The following GLUD1 variants were observed in gnomAD, a reference collection of about 807,000 sequenced individuals.
GLUD1 encodes glutamate dehydrogenase 1.
A neutral mutation model predicts 56.0 loss-of-function variants in GLUD1; 22 were observed. That is an observed-to-expected ratio of 0.39 (90% CI 0.28 to 0.56). The LOEUF (loss-of-function observed/expected upper bound fraction) is 0.56, where lower values mean the gene tolerates loss of function less well. GLUD1 is among the 20% of genes least tolerant of loss of function. The pLI is 0.58. For synonymous variants in GLUD1, 223 were observed against 269.9 expected (o/e 0.83, Z 1.70); for missense variants, 451 against 732.0 (o/e 0.62, Z 4.43).
rs535231861 is a variant in GLUD1 at position 87,069,187 on chromosome 10, C to T, written c.647-1030G>A. On this transcript the variant is annotated intron_variant, in intron 4 of 12. Coordinates refer to ENST00000277865, the MANE Select transcript of GLUD1 (RefSeq NM_005271.5). ...TTATTTCAACTGTAAAATACAAACT[C>T]GTTTTTACAAAACGAAAAACGCAAC... Among the ~76,000 whole-genome samples, 12 of 151,848 alleles carry T rather than the reference C, an allele frequency of 7.9e-5. No homozygotes were observed. In the South Asian group the frequency reaches 2.3e-3, roughly 29 times the overall value.
intron 6 of GLUD1, among the ~76,000 whole-genome samples, chr10:87,061,705 C>T (rs1412514182): frequency 6.6e-6 from 1 of 151,986 alleles, no homozygotes; most frequent in African/African-American, 2.4e-5. Flanking sequence ...CAGCCTCTGC[C>T]TCCCGGGTTC....
At position 87,051,511 on chromosome 10, in the gene GLUD1, C is replaced by CA; in HGVS notation, c.*239dup. 1 of 571,294 alleles carries CA rather than the reference C, an allele frequency of 1.8e-6. No individual in the cohort carries two copies. 35.4% of individuals were successfully genotyped at this position (571,294 alleles called of 1,614,324 possible). On this transcript the variant is annotated 3_prime_UTR_variant, in exon 13 of 13. Coordinates refer to ENST00000277865, the MANE Select transcript of GLUD1 (RefSeq NM_005271.5). ...ATAAAGGAGGCTTTTTATTTAAAGG[C>CA]AAAATACCAAAATGGCTCTCTGGTG... is the stretch of plus-strand genomic sequence containing the variant.
chr10:87,069,646 T>A (rs1331136365), intron 4 of GLUD1, among the ~76,000 whole-genome samples: 1 of 152,180 alleles, frequency 6.6e-6, no homozygotes, highest in Middle Eastern at 3.2e-3. Flanking sequence ...TATATTGTAA[T>A]GTTTTTCTAT....
At chr10:87,066,166 G>C (rs1207266631) in intron 5 of GLUD1, among the ~76,000 whole-genome samples, 1 of 152,064 alleles carries the variant, frequency 6.6e-6, no homozygotes, top group African/African-American at 2.4e-5. Flanking sequence ...TTTTTCTCTG[G>C]GTAACAGCCA....
chr10:87,076,543 TC>T (rs1846401384), intron 2 of GLUD1, 32 bp downstream of exon 2: 1 of 1,226,566 alleles, frequency 8.2e-7, no homozygotes, highest in Admixed American at 1.7e-5. Flanking sequence ...TCCCCAGAGT[TC>T]TCATTAGGCA....
chr10:87,054,815 G>A (rs1845723468), intron 11 of GLUD1, among the ~76,000 whole-genome samples: 1 of 152,220 alleles, frequency 6.6e-6, no homozygotes, highest in East Asian at 1.9e-4. Flanking sequence ...TGCTAGAGCA[G>A]TGTATCTGAG....
chr10:87,073,111 C>CT (rs1459856339), intron 4 of GLUD1, among the ~76,000 whole-genome samples: 5 of 152,030 alleles, frequency 3.3e-5, no homozygotes, highest in Admixed American at 6.6e-5. Context: ...TATTTCATGA[C>CT]TTTTTTTTCC....
chr10:87,055,729 C>A (rs1031654823), intron 11 of GLUD1, among the ~76,000 whole-genome samples: 7 of 152,154 alleles, frequency 4.6e-5, no homozygotes, highest in African/African-American at 1.7e-4. Flanking sequence ...ATGGGTAAAG[C>A]ATTTTTTCTT....
At chr10:87,064,416 A>G (rs1179560787) in intron 5 of GLUD1, among the ~76,000 whole-genome samples, 2 of 152,234 alleles carry the variant, frequency 1.3e-5, no homozygotes, top group Non-Finnish European at 2.9e-5. Context: ...ATAGGCAATC[A>G]ATATAAAATG....
Position 87,094,196 on chromosome 10 carries a change from CG to C in GLUD1, c.445+128del. 7.2e-7 allele frequency: 1 copy of C among 1,390,086 alleles called. No homozygotes were observed. The allele number at this position is 1,390,086 out of a possible 1,614,324, so 86.1% of individuals were successfully genotyped here. On this transcript the variant is annotated intron_variant, in intron 1 of 12. Coordinates refer to ENST00000277865, the MANE Select transcript of GLUD1 (RefSeq NM_005271.5). This position sits in a 1 kb window ranked among gnomAD's most constrained non-coding sequence, Gnocchi z 6.6. ...CGGCCACATCCGAGGCGGGGTGACC[CG>C]GGCGGGGACCCGGCCCGCTCCAGCT...
intron 5 of GLUD1, among the ~76,000 whole-genome samples, chr10:87,064,202 C>T (rs903311857): frequency 2.0e-5 from 3 of 152,052 alleles, no homozygotes; most frequent in Non-Finnish European, 2.9e-5. Context: ...CGTGAGCCAC[C>T]GCGCCTGGCC....
At chr10:87,079,396 T>G (rs1841143334) in intron 1 of GLUD1, among the ~76,000 whole-genome samples, 1 of 149,636 alleles carries the variant, frequency 6.7e-6, no homozygotes, top group Admixed American at 6.6e-5. Flanking sequence ...TACGCTCAGG[T>G]CACTGCACTA....
At position 87,094,053 on chromosome 10, in the gene GLUD1, G is replaced by A; in HGVS notation, c.445+272C>T. The A allele has an allele frequency of 2.0e-6, 3 of 1,507,500 alleles. No individual in the cohort carries two copies. The highest frequency in any genetic ancestry group is 2.7e-6 in the Non-Finnish European group (3 of 1,129,028). 93.4% of individuals were successfully genotyped at this position (1,507,500 alleles called of 1,614,324 possible). On this transcript the variant is annotated intron_variant, in intron 1 of 12. Transcript: ENST00000277865. This position sits in a 1 kb window ranked among gnomAD's most constrained non-coding sequence, Gnocchi z 6.6. Reference sequence around the variant, plus strand: ...ACACCGGGACCAAAAGGAGACCGGTGCAGCGTCTACTCTGCATGCAAGATC... The same window carrying A: ...ACACCGGGACCAAAAGGAGACCGGTACAGCGTCTACTCTGCATGCAAGATC...
At chr10:87,058,380 T>C (rs1241384435) in intron 10 of GLUD1, among the ~76,000 whole-genome samples, 2 of 152,142 alleles carry the variant, frequency 1.3e-5, no homozygotes, top group African/African-American at 4.8e-5. Context: ...ACCCAGATTC[T>C]CACAGTGGGC....
intron 8 of GLUD1, chr10:87,060,447 G>GTTTTTT: frequency 1.9e-6 from 1 of 535,752 alleles, no homozygotes; most frequent in Non-Finnish European, 3.3e-6. Context: ...TTGTTTGCTT[G>GTTTTTT]TTTTTTTTTT....
intron 1 of GLUD1, among the ~76,000 whole-genome samples, chr10:87,086,131 G>A (rs1413707883): frequency 5.9e-5 from 9 of 152,246 alleles, no homozygotes; most frequent in Non-Finnish European, 1.2e-4. Flanking sequence ...TAGGGAGGGG[G>A]AAGTGAGGCA....
intron 4 of GLUD1, among the ~76,000 whole-genome samples, chr10:87,071,769 C>A (rs758559793): frequency 6.6e-6 from 1 of 152,102 alleles, no homozygotes; most frequent in Non-Finnish European, 1.5e-5. Flanking sequence ...CTAGAATTGT[C>A]CTGATACAAA....
chr10:87,055,984 C>T (rs891870397), intron 11 of GLUD1, among the ~76,000 whole-genome samples: 6 of 151,278 alleles, frequency 4.0e-5, no homozygotes, highest in Non-Finnish European at 1.5e-5. Flanking sequence ...GGTGTGGTGG[C>T]GGGCGCCTGT....
intron 2 of GLUD1, 34 bp downstream of exon 2, chr10:87,076,542 T>C (rs761090373): frequency 2.5e-6 from 3 of 1,207,166 alleles, no homozygotes; most frequent in Non-Finnish European, 3.7e-6. Context: ...TTCCCCAGAG[T>C]TCTCATTAGG....
Sources: gnomAD v4.1 joint callset for allele counts (sites outside exome capture counted in the v4.1 genomes callset) on GRCh38, gnomAD v4.1.1 for gene constraint, Gnocchi (gnomAD v3.1) non-coding constraint, MANE v1.5 for transcripts, NCBI Gene and HGNC (gene_info 2026-07-23, HGNC 2026-07-21) for gene names.